The following SGCZ variants were observed in gnomAD, a reference collection of about 807,000 sequenced individuals.
SGCZ encodes the protein sarcoglycan zeta.
In SGCZ, 40 loss-of-function variants were observed where a neutral mutation model predicts 41.3. The observed-to-expected ratio is 0.97, with a 90% CI of 0.75 to 1.26. The LOEUF (loss-of-function observed/expected upper bound fraction) is 1.26. Ranked by LOEUF, SGCZ falls within the 50% of genes most tolerant of loss-of-function variation. SGCZ has a pLI of 0.00. For missense variants in SGCZ, 552 were observed against 369.8 expected (o/e 1.49, Z -4.04); for synonymous variants, 206 against 137.5 (o/e 1.50, Z -3.49).
intron 1 of SGCZ, among the ~76,000 whole-genome samples, chr8:15,131,295 T>A (rs1807890889): frequency 6.6e-6 from 1 of 152,108 alleles, no homozygotes; most frequent in Admixed American, 6.5e-5. Context: ...GTAAGTCTCA[T>A]GAGATCTGAT....
intron 1 of SGCZ, among the ~76,000 whole-genome samples, chr8:14,586,779 C>G (rs949715970): frequency 6.6e-6 from 1 of 152,032 alleles, no homozygotes; most frequent in Non-Finnish European, 1.5e-5. Context: ...AAGCATTATG[C>G]ATAATATTAT....
chr8:14,806,894 G>A (rs1186362608), intron 1 of SGCZ, among the ~76,000 whole-genome samples: 1 of 150,652 alleles, frequency 6.6e-6, no homozygotes, highest in Non-Finnish European at 1.5e-5. Context: ...TGATCAAGTG[G>A]GCTTCATCCC....
At chr8:14,230,768 G>GC (rs1262435232) in intron 4 of SGCZ, among the ~76,000 whole-genome samples, 1 of 149,136 alleles carries the variant, frequency 6.7e-6, no homozygotes, top group Non-Finnish European at 1.5e-5. Flanking sequence ...GGTGGTGGTG[G>GC]GGGGGTGGTT....
intron 2 of SGCZ, among the ~76,000 whole-genome samples, chr8:14,354,149 A>G (rs1803205293): frequency 6.6e-6 from 1 of 152,024 alleles, no homozygotes; most frequent in African/African-American, 2.4e-5. Flanking sequence ...TATATATTGT[A>G]ATTGCCTTAT....
rs1374229847 is a variant in SGCZ at position 14,554,830 on chromosome 8, T to A, written c.136A>T (p.Lys46Ter). 3 of 1,613,364 alleles carry A rather than the reference T, an allele frequency of 1.9e-6. No homozygotes were observed. The highest frequency in any genetic ancestry group is 3.3e-5 in the Admixed American group (2 of 59,908). The change falls in exon 2 of 8, where the codon AAG becomes TAG. Residue 46 changes from lysine to a stop codon, truncating the protein, a stop_gained. Coordinates refer to ENST00000382080, the MANE Select transcript of SGCZ (RefSeq NM_139167.4). LOFTEE classifies it high-confidence loss of function. Reference protein sequence around the residue: ...LYPVGIYGWRKRCLYFFVLLL... With the variant: ...LYPVGIYGWR ...AGGACAAAGAAGTATAAGCACCTCT[T>A]TCGCCATCCATAAATTCCCACTGGG...
intron 1 of SGCZ, among the ~76,000 whole-genome samples, chr8:15,092,938 G>A (rs1806205322): frequency 6.6e-6 from 1 of 152,174 alleles, no homozygotes; most frequent in African/African-American, 2.4e-5. Flanking sequence ...TCTTGGATAT[G>A]CAAAATGTCT....
At chr8:15,044,524 A>G (rs1255117524) in intron 1 of SGCZ, among the ~76,000 whole-genome samples, 2 of 152,184 alleles carry the variant, frequency 1.3e-5, no homozygotes, top group Admixed American at 1.3e-4. Flanking sequence ...TGATTATTTT[A>G]AAACATAGTA....
chr8:14,518,244 T>C (rs1802683282), intron 2 of SGCZ, among the ~76,000 whole-genome samples: 1 of 152,156 alleles, frequency 6.6e-6, no homozygotes, highest in South Asian at 2.1e-4. Context: ...TATTGTTGGA[T>C]TTCAAAAGCT....
intron 5 of SGCZ, among the ~76,000 whole-genome samples, chr8:14,138,104 G>A (rs1375208945): frequency 6.6e-6 from 1 of 152,096 alleles, no homozygotes; most frequent in Non-Finnish European, 1.5e-5. Flanking sequence ...AAGGAGAAAT[G>A]AAATCCTTTA....
At chr8:15,206,358 G>T (rs1277710758) in intron 1 of SGCZ, among the ~76,000 whole-genome samples, 1 of 152,020 alleles carries the variant, frequency 6.6e-6, no homozygotes, top group South Asian at 2.1e-4. Flanking sequence ...AGCATTTCTT[G>T]AGAGTAGTGA....
intron 4 of SGCZ, among the ~76,000 whole-genome samples, chr8:14,200,630 T>C (rs1361730339): frequency 6.6e-6 from 1 of 152,086 alleles, no homozygotes; most frequent in Non-Finnish European, 1.5e-5. Context: ...TTTTGTTTTG[T>C]TTTTCCAACA....
chr8:14,610,716 T>C (rs1377789717), intron 1 of SGCZ, among the ~76,000 whole-genome samples: 1 of 152,126 alleles, frequency 6.6e-6, no homozygotes, highest in Non-Finnish European at 1.5e-5. Flanking sequence ...AAAAATAAGT[T>C]GCATCTGTTG....
Position 14,085,816 on chromosome 8 carries a change from G to A in SGCZ, c.*4627C>T, listed in dbSNP as rs1801507841. On this transcript the variant is annotated 3_prime_UTR_variant, in exon 8 of 8. Transcript: ENST00000382080. ...TATACAACTCAGGATCCTCCAAGAA[G>A]GATGTTTACTACCTCATGTTATAAT... Among the ~76,000 whole-genome samples, 1 of 151,674 alleles carries A rather than the reference G, an allele frequency of 6.6e-6. No homozygotes were observed. The highest frequency in any genetic ancestry group is 2.4e-5 in the African/African-American group (1 of 41,378).
intron 1 of SGCZ, among the ~76,000 whole-genome samples, chr8:14,766,230 G>T (rs1438458166): frequency 6.6e-6 from 1 of 152,094 alleles, no homozygotes; most frequent in Admixed American, 6.6e-5. Flanking sequence ...AAAGTGCTGT[G>T]ATTACAGGCA....
rs73521101 is a variant in SGCZ at position 15,044,265 on chromosome 8, G to C, written c.39+193320C>G. 2.4e-3 allele frequency among the ~76,000 whole-genome samples: 364 copies of C among 152,228 alleles called. 2 individuals are homozygous for C. The highest frequency in any genetic ancestry group is 8.2e-3 in the African/African-American group (340 of 41,550). ...CATGTCCATTTGACAAGGGGGCACT[G>C]TTAAACTTGCTTCTCCATCAATTCA... On this transcript the variant is annotated intron_variant, in intron 1 of 7. Transcript: ENST00000382080.
chr8:14,324,374 T>C (rs770257633), intron 2 of SGCZ, among the ~76,000 whole-genome samples, 170 bp from the exon 3 acceptor site: 2 of 152,120 alleles, frequency 1.3e-5, no homozygotes, highest in African/African-American at 4.8e-5. Context: ...TGCATGCATA[T>C]AGAGGGCTCT....
At chr8:14,907,472 G>A (rs1799154860) in intron 1 of SGCZ, among the ~76,000 whole-genome samples, 1 of 152,092 alleles carries the variant, frequency 6.6e-6, no homozygotes, top group African/African-American at 2.4e-5. Context: ...GCAGGCATAA[G>A]CCACTGCTCC....
Position 14,369,283 on chromosome 8 carries a change from C to G in SGCZ, c.235-45079G>C, listed in dbSNP as rs113402458. ...TTTAATTGCCATGTCTCTCCTTTGA[C>G]TCTCAGTCTGGAACCTTTTTTGTCT... On this transcript the variant is annotated intron_variant, in intron 2 of 7. Transcript: ENST00000382080. Among the ~76,000 whole-genome samples the G allele has an allele frequency of 4.6e-5, 7 of 152,094 alleles. 1 individual carries two copies. Among genetic ancestry groups the G allele is most frequent in the African/African-American group, 1.7e-4 (7 of 41,516 alleles).
At chr8:14,456,659 G>C (rs533777678) in intron 2 of SGCZ, among the ~76,000 whole-genome samples, 1 of 152,250 alleles carries the variant, frequency 6.6e-6, no homozygotes, top group African/African-American at 2.4e-5. Context: ...ATATAGGACA[G>C]TTGGAATGAA....
Sources: gnomAD v4.1 joint callset for allele counts (sites outside exome capture counted in the v4.1 genomes callset) on GRCh38, gnomAD v4.1.1 for gene constraint, MANE v1.5 for transcripts, NCBI Gene and HGNC (gene_info 2026-07-23, HGNC 2026-07-21) for gene names.